The following DENND1B variants were observed in gnomAD, a reference collection of about 807,000 sequenced individuals.
The protein encoded by DENND1B is DENN domain containing 1B, also known as DENN domain-containing protein 1B.
In DENND1B, 59 loss-of-function variants were observed where a neutral mutation model predicts 90.1. The ratio of observed to expected loss-of-function variants is 0.65; its 90% confidence interval spans 0.53 to 0.81. The LOEUF (loss-of-function observed/expected upper bound fraction) is 0.81, where lower values mean the gene tolerates loss of function less well. Ranked by LOEUF, DENND1B falls within the 40% of genes least tolerant of loss-of-function variation. The probability of loss-of-function intolerance (pLI) is 0.00; values close to 1 mark genes in which losing one functional copy is unlikely to be tolerated. For missense variants in DENND1B, 862 were observed against 912.6 expected, an observed-to-expected ratio of 0.94 and a Z score of 0.71; for synonymous variants, 337 against 324.6, an observed-to-expected ratio of 1.04 and a Z score of -0.41.
chr1:197,767,578 C>A (rs1655851631), intron 2 of DENND1B, among the ~76,000 whole-genome samples: 1 of 151,902 alleles, frequency 6.6e-6, no homozygotes, highest in African/African-American at 2.4e-5. Context: ...AGAAACTGTT[C>A]TAGGTAAAAA....
intron 3 of DENND1B, among the ~76,000 whole-genome samples, chr1:197,695,091 C>T (rs1465529700): frequency 2.6e-5 from 4 of 151,218 alleles, no homozygotes; most frequent in African/African-American, 9.7e-5. Flanking sequence ...ATAAAATAAG[C>T]ATGCAGGTAA....
chr1:197,619,518 C>T (rs1252242643), intron 10 of DENND1B, among the ~76,000 whole-genome samples: 2 of 151,034 alleles, frequency 1.3e-5, no homozygotes, highest in African/African-American at 4.9e-5. Context: ...CATTTAAAGC[C>T]TTAAAAACAA....
intron 15 of DENND1B, among the ~76,000 whole-genome samples, chr1:197,556,629 T>C (rs16829919): frequency 0.018 from 2,733 of 152,078 alleles, 88 homozygotes; most frequent in African/African-American, 0.062. Context: ...GTGTGGAGTA[T>C]CAAAGGCCTG....
In DENND1B at chr1:197,531,405, CT is replaced by C. The variant is rs1371728894; in HGVS notation, c.1515+8558del. On this transcript the variant is annotated intron_variant, in intron 20 of 22. Transcript: ENST00000620048. ...ACAAATCTTTTTTTTTTTTTTTTTT[CT>C]TTTTTTTTTTTTTTCATTTATTTTT... is the stretch of plus-strand genomic sequence containing the variant. Among the ~76,000 whole-genome samples the C allele has an allele frequency of 2.5e-3, 5 of 1,972 alleles. 1 individual carries two copies. The highest frequency in any genetic ancestry group is 2.7e-3 in the African/African-American group (5 of 1,882). The allele number at this position is 1,972 out of a possible 152,430, so 1.3% of individuals were successfully genotyped here.
chr1:197,700,661 C>G (rs1485344109), intron 3 of DENND1B, among the ~76,000 whole-genome samples: 2 of 152,142 alleles, frequency 1.3e-5, no homozygotes, highest in African/African-American at 4.8e-5. Flanking sequence ...AGGCAACCTA[C>G]AGAATGGGAG....
intron 2 of DENND1B, chr1:197,735,651 T>C (rs1057274478): frequency 1.9e-6 from 3 of 1,614,198 alleles, no homozygotes; most frequent in Non-Finnish European, 2.5e-6. Flanking sequence ...GGTCGAGCTA[T>C]GCGGTTTCAG....
intron 15 of DENND1B, among the ~76,000 whole-genome samples, chr1:197,572,790 C>T (rs1229612906): frequency 6.6e-6 from 1 of 152,146 alleles, no homozygotes; most frequent in African/African-American, 2.4e-5. Flanking sequence ...CTGGAGTAGA[C>T]CTCCAGCAAA....
At chr1:197,703,992 C>A (rs935454506) in intron 3 of DENND1B, among the ~76,000 whole-genome samples, 7 of 152,156 alleles carry the variant, frequency 4.6e-5, no homozygotes, top group Non-Finnish European at 1.0e-4. Flanking sequence ...CCTGTAATCC[C>A]AGGACTCTGG....
At chr1:197,676,455 A>G (rs937658460) in intron 3 of DENND1B, among the ~76,000 whole-genome samples, 6 of 152,224 alleles carry the variant, frequency 3.9e-5, no homozygotes, top group Admixed American at 3.9e-4. Flanking sequence ...CGCACACACG[A>G]AATCCTAGGT....
upstream of DENND1B, among the ~76,000 whole-genome samples, chr1:197,777,856 G>T (rs1657339833): frequency 6.6e-6 from 1 of 151,912 alleles, no homozygotes; most frequent in Non-Finnish European, 1.5e-5. Flanking sequence ...GTTGTATGTG[G>T]TTTGTAAAGA....
At chr1:197,611,157 C>A (rs1280388750) in intron 12 of DENND1B, among the ~76,000 whole-genome samples, 6 of 150,632 alleles carry the variant, frequency 4.0e-5, no homozygotes, top group African/African-American at 1.5e-4. Context: ...ATCTGTACAA[C>A]CAGCAAAAAA....
intron 13 of DENND1B, among the ~76,000 whole-genome samples, chr1:197,598,151 T>C (rs1238803905): frequency 6.6e-6 from 1 of 151,776 alleles, no homozygotes; most frequent in Non-Finnish European, 1.5e-5. Flanking sequence ...AGAAATATAG[T>C]TATATTTCTC....
At chr1:197,553,696 G>C (rs1218928080) in intron 15 of DENND1B, among the ~76,000 whole-genome samples, 1 of 152,044 alleles carries the variant, frequency 6.6e-6, no homozygotes, top group Non-Finnish European at 1.5e-5. Flanking sequence ...GCATAATAGA[G>C]CACCAAATAA....
intron 15 of DENND1B, among the ~76,000 whole-genome samples, chr1:197,554,786 G>A (rs1328886911): frequency 2.6e-5 from 3 of 114,478 alleles, no homozygotes; most frequent in Non-Finnish European, 3.2e-5. Context: ...AGGTTGCAAT[G>A]AGCCAAGATT....
At chr1:197,726,735 G>A (rs1009082134) in intron 2 of DENND1B, among the ~76,000 whole-genome samples, 19 of 152,124 alleles carry the variant, frequency 1.2e-4, no homozygotes, top group African/African-American at 4.1e-4. Flanking sequence ...AAATGGGATC[G>A]AGACCCAGAA....
intron 15 of DENND1B, among the ~76,000 whole-genome samples, chr1:197,571,100 C>T (rs1038546234): frequency 3.3e-5 from 5 of 152,172 alleles, no homozygotes; most frequent in Non-Finnish European, 5.9e-5. Flanking sequence ...TCCTGCTTCA[C>T]TCCATCTTGT....
intron 14 of DENND1B, among the ~76,000 whole-genome samples, chr1:197,592,384 A>G (rs573920938): frequency 1.3e-5 from 2 of 152,276 alleles, no homozygotes; most frequent in East Asian, 1.9e-4. Context: ...TGGGTGCTCA[A>G]TGGTCAGTTA....
chr1:197,608,038 A>G (rs905867821), intron 12 of DENND1B, among the ~76,000 whole-genome samples: 7 of 150,672 alleles, frequency 4.6e-5, no homozygotes, highest in African/African-American at 1.2e-4. Context: ...TCATAATTGT[A>G]TAAGTCAACT....
chr1:197,714,686 T>A (rs1174381993), intron 3 of DENND1B, among the ~76,000 whole-genome samples: 1 of 152,094 alleles, frequency 6.6e-6, no homozygotes, highest in East Asian at 1.9e-4. Context: ...AGAATAAGAG[T>A]ATATTTAACA....
Sources: gnomAD v4.1 joint callset for allele counts (sites outside exome capture counted in the v4.1 genomes callset) on GRCh38, gnomAD v4.1.1 for gene constraint, MANE v1.5 for transcripts, NCBI Gene and HGNC (gene_info 2026-07-23, HGNC 2026-07-21) for gene names.